The following SCAP variants were observed in gnomAD, a reference collection of about 807,000 sequenced individuals.
SCAP encodes the protein SREBF chaperone.
SCAP carries 65 observed loss-of-function variants against 123.6 expected under a neutral mutation model. The observed-to-expected ratio is 0.53, with a 90% CI of 0.43 to 0.65. SCAP has a LOEUF of 0.65. SCAP is among the 30% of genes least tolerant of loss of function. The pLI is 0.00. For missense variants in SCAP, 1,398 were observed against 1,712.5 expected, an observed-to-expected ratio of 0.82 and a Z score of 3.24; for synonymous variants, 740 against 726.3, an observed-to-expected ratio of 1.02 and a Z score of -0.30.
At chr3:47,432,182 T>C (rs1576274866) in intron 3 of SCAP, among the ~76,000 whole-genome samples, 1 of 151,770 alleles carries the variant, frequency 6.6e-6, no homozygotes, top group Non-Finnish European at 1.5e-5. Context: ...CCAGGCGTGG[T>C]GGTGCGTGCC....
At chr3:47,416,828 G>A (rs1477380730) in intron 18 of SCAP, among the ~76,000 whole-genome samples, 2 of 151,500 alleles carry the variant, frequency 1.3e-5, no homozygotes, top group Non-Finnish European at 2.9e-5. Context: ...GGGTTTCACC[G>A]TTTTAGCCGG....
At chr3:47,429,022 G>C (rs1263607088) in intron 3 of SCAP, 1 of 212,286 alleles carries the variant, frequency 4.7e-6, no homozygotes, top group Admixed American at 5.3e-5. Flanking sequence ...CTGTGAGGTG[G>C]CATCAAGAGA....
chr3:47,450,754 T>C lies in SCAP; in HGVS notation c.-98-7663A>G, dbSNP rs764501334. 1.4e-4 allele frequency among the ~76,000 whole-genome samples: 17 copies of C among 122,080 alleles called. 6 individuals carry two copies. The highest frequency in any genetic ancestry group is 2.5e-4 in the Non-Finnish European group (14 of 55,254). The allele number at this position is 122,080 out of a possible 152,430, so 80.1% of individuals were successfully genotyped here. A position where few individuals can be genotyped will look rare whatever the true frequency, so the allele number is the denominator to read the frequency against. The stretch of plus-strand genomic sequence containing the variant: ...GGCTCAAGCAATCCTCCTGCCTCAA[T>C]TTCCCAAACTGATTATAGGTGTGAG... On this transcript the variant is annotated intron_variant, in intron 1 of 22. Coordinates refer to ENST00000265565, the MANE Select transcript of SCAP (RefSeq NM_012235.4).
chr3:47,415,241 C>T (rs1705521346), intron 18 of SCAP, 61 bp from the exon 19 acceptor site: 1 of 1,466,806 alleles, frequency 6.8e-7, no homozygotes, highest in African/African-American at 1.4e-5. Flanking sequence ...TGGGGCTGAG[C>T]ATGTGGACAT....
Position 47,418,799 on chromosome 3 carries a change from T to C in SCAP, c.1985A>G (p.Asn662Ser). ...CCGGCCCTCCAGAGCCTCCCTCGGG[T>C]TCAGGCGGAGCGTGACTGGGATGAC... ...LPVIPVTLRL[N>S]PREALEGRHP... Residue 662 changes from asparagine (N) to serine (S), a missense_variant, in exon 14 of 23, where the codon AAC becomes AGC. Asn to Ser is a conservative substitution (Grantham distance 46, BLOSUM62 1). Transcript: ENST00000265565. The C allele has an allele frequency of 6.4e-7, 1 of 1,553,076 alleles. No individual in the cohort carries two copies. Among genetic ancestry groups the C allele is most frequent in the Non-Finnish European group, 8.7e-7 (1 of 1,153,960 alleles).
chr3:47,427,454 T>A lies in SCAP; in HGVS notation c.624A>T (p.Thr208=). Residue 208 remains threonine, a synonymous_variant, in exon 5 of 23, where the codon ACA becomes ACT. Coordinates refer to ENST00000265565, the MANE Select transcript of SCAP (RefSeq NM_012235.4). Reference sequence around the variant, plus strand: ...AACTTGTACTGGGGCTACCTTTGAGTGTGGCTGAAGTCTGCAGGGTTTTAG... The same window carrying A: ...AACTTGTACTGGGGCTACCTTTGAGAGTGGCTGAAGTCTGCAGGGTTTTAG... ...HEPKTLQTSA[T]LKDLLFGVPG... The A allele has an allele frequency of 1.9e-6, 3 of 1,614,122 alleles. No homozygotes were observed. Among genetic ancestry groups the A allele is most frequent in the Non-Finnish European group, 2.5e-6 (3 of 1,180,002 alleles).
At chr3:47,456,754 T>G (rs1410533067) in intron 1 of SCAP, among the ~76,000 whole-genome samples, 1 of 151,730 alleles carries the variant, frequency 6.6e-6, no homozygotes, top group Non-Finnish European at 1.5e-5. Context: ...CACTGTACTC[T>G]AGTCTGGGCA....
chr3:47,460,362 C>T (rs929786957), intron 1 of SCAP, among the ~76,000 whole-genome samples: 2 of 151,976 alleles, frequency 1.3e-5, no homozygotes, highest in East Asian at 1.9e-4. Context: ...GAAATATTAA[C>T]GATTTATGTT....
rs527476699 is a variant in SCAP, at chr3:47,425,629, C to T, written c.911-18G>A. 775 of 1,612,854 alleles carry T rather than the reference C, an allele frequency of 4.8e-4. 10 individuals are homozygous for T. In the South Asian group the frequency reaches 7.2e-3, roughly 15 times the overall value. ...GATCTTCCCTGGAGGGCAGAGAGGG[C>T]GTATCAGGGCGGCCCCTCCCCCAGC... On this transcript the variant is annotated intron_variant, in intron 7 of 22. Transcript: ENST00000265565.
rs1350182691 is a variant in SCAP, at chr3:47,439,307, G to A, written c.122+3565C>T. On this transcript the variant is annotated intron_variant, in intron 2 of 22. Transcript: ENST00000265565. This position sits in a 1 kb window ranked among gnomAD's most constrained non-coding sequence, Gnocchi z 4.0. ...ACCTGTAATCCCAGCTACTCGGGAGGCTGAGGCAAGAGAATCACTTGAACC... is the reference window on the plus strand; with the variant it reads ...ACCTGTAATCCCAGCTACTCGGGAGACTGAGGCAAGAGAATCACTTGAACC... 6.6e-6 allele frequency among the ~76,000 whole-genome samples: 1 copy of A among 152,154 alleles called. No homozygotes were observed. The highest frequency in any genetic ancestry group is 2.1e-4 in the South Asian group (1 of 4,828).
rs1705713208 is a variant in SCAP at position 47,418,118 on chromosome 3, G to A, written c.2447+16C>T. ...GGTTGTGGGGGCACAAAGGAGGAAAGGGCAGCCGCACCTACCCTGGGCGCG... is the reference window on the plus strand; with the variant it reads ...GGTTGTGGGGGCACAAAGGAGGAAAAGGCAGCCGCACCTACCCTGGGCGCG... On this transcript the variant is annotated intron_variant, in intron 16 of 22. Transcript: ENST00000265565. 1 of 1,543,724 alleles carries A rather than the reference G, an allele frequency of 6.5e-7. No homozygotes were observed. Among genetic ancestry groups the A allele is most frequent in the Non-Finnish European group, 8.8e-7 (1 of 1,142,748 alleles).
intron 1 of SCAP, among the ~76,000 whole-genome samples, chr3:47,459,917 T>G (rs561915965): frequency 8.5e-5 from 13 of 152,124 alleles, no homozygotes; most frequent in Non-Finnish European, 1.6e-4. Context: ...CTCAACCGCA[T>G]AAGACAGACA....
In SCAP at chr3:47,417,585, G is replaced by T. The variant is rs769255146; in HGVS notation, c.2689C>A (p.His897Asn). 11 of 1,595,450 alleles carry T rather than the reference G, an allele frequency of 6.9e-6. No homozygotes were observed. The South Asian group carries it at 1.1e-4, about 16-fold the overall frequency. Residue 897 changes from histidine to asparagine, a missense_variant, in exon 17 of 23, where the codon CAC (histidine) becomes AAC (asparagine). By Grantham distance (68) the His-to-Asn change is moderately conservative (BLOSUM62 1). Around this residue, in one of 7 missense-constraint regions of SCAP, gnomAD observed 828 missense variants for 882.5 expected, o/e 0.94. Transcript: ENST00000265565. ...SSQPTQPEPRHRAVCGRSRDS... is the reference protein window; with the variant it reads ...SSQPTQPEPRNRAVCGRSRDS... ...CGAGAGCGGCCACAGACCGCCCGGT[G>T]CCGGGGCTCGGGCTGAGTGGGCTGT...
chr3:47,426,477 G>A (rs1230218611), intron 6 of SCAP, among the ~76,000 whole-genome samples: 4 of 151,676 alleles, frequency 2.6e-5, no homozygotes, highest in South Asian at 2.1e-4. Flanking sequence ...TCTCGCTGTC[G>A]CCCAGGCTGG....
chr3:47,417,013 C>T (rs1484089185), intron 18 of SCAP, 109 bp downstream of exon 18: 17 of 928,272 alleles, frequency 1.8e-5, no homozygotes, highest in South Asian at 4.9e-5. Context: ...GAAGGTCAAT[C>T]GAATCATACA....
chr3:47,452,190 C>T (rs1707251494), intron 1 of SCAP, among the ~76,000 whole-genome samples: 1 of 152,210 alleles, frequency 6.6e-6, no homozygotes, highest in Non-Finnish European at 1.5e-5. Context: ...TCTGTCAAGA[C>T]TATAAATAAA....
In SCAP at chr3:47,434,993, A is replaced by G. The variant is rs1706511897; in HGVS notation, c.252+15T>C. 3.1e-6 allele frequency: 5 copies of G among 1,614,002 alleles called. No homozygotes were observed. Among genetic ancestry groups the G allele is most frequent in the African/African-American group, 2.7e-5 (2 of 74,918 alleles). On this transcript the variant is annotated intron_variant, in intron 3 of 22. Transcript: ENST00000265565. ...AACGCTCTGTGCTGGCCTCAGGAAC[A>G]TGACGAGTACCCACCCACTCAGGCT... is the stretch of plus-strand genomic sequence containing the variant.
rs1448949090 is a variant in SCAP, at chr3:47,414,922, T to C, written c.3211A>G (p.Thr1071Ala). Residue 1071 changes from threonine to alanine, a missense_variant, in exon 20 of 23, where the codon ACC becomes GCC. Coordinates refer to ENST00000265565, the MANE Select transcript of SCAP (RefSeq NM_012235.4). ...TGGTGTGCACAGGGCACTGTGTGGGTCAGGTGACAGGCCACTGTGTCGCTG... is the reference window on the plus strand; with the variant it reads ...TGGTGTGCACAGGGCACTGTGTGGGCCAGGTGACAGGCCACTGTGTCGCTG... ...SSSDTVACHL[T>A]HTVPCAHQKP... The C allele has an allele frequency of 4.3e-6, 7 of 1,612,660 alleles. No homozygotes were observed. The highest frequency in any genetic ancestry group is 5.9e-6 in the Non-Finnish European group (7 of 1,179,774).
chr3:47,421,871 G>A (rs1445886158), intron 10 of SCAP, among the ~76,000 whole-genome samples: 3 of 152,282 alleles, frequency 2.0e-5, no homozygotes, highest in Non-Finnish European at 4.4e-5. Flanking sequence ...CCAGCTCAGT[G>A]CAGGGCCACC....
Sources: gnomAD v4.1 joint callset for allele counts (sites outside exome capture counted in the v4.1 genomes callset) on GRCh38, gnomAD v4.1.1 for gene constraint, gnomAD v4.1.1 regional missense constraint, Gnocchi (gnomAD v3.1) non-coding constraint, MANE v1.5 for transcripts, NCBI Gene and HGNC (gene_info 2026-07-23, HGNC 2026-07-21) for gene names.